CSMD1: variants seen among roughly 807,000 people sequenced by gnomAD.
The protein encoded by CSMD1 is CUB and sushi domain-containing protein 1.
CSMD1 carries 213 observed loss-of-function variants against 417.5 expected under a neutral mutation model. The ratio of observed to expected loss-of-function variants is 0.51; its 90% CI spans 0.46 to 0.57. The LOEUF is 0.57. CSMD1 is among the 20% of genes least tolerant of loss of function. The pLI is 0.00. For missense variants in CSMD1, 6,923 were observed against 4,529.7 expected (o/e 1.53, Z -15.17); for synonymous variants, 2,862 against 1,736.8 (o/e 1.65, Z -16.11).
chr8:3,815,275 T>A (rs1055058070), intron 5 of CSMD1, among the ~76,000 whole-genome samples: 1 of 152,160 alleles, frequency 6.6e-6, no homozygotes, highest in African/African-American at 2.4e-5. Flanking sequence ...GTGTCATTGA[T>A]AACAGAAGAA....
chr8:4,417,849 C>T (rs894346007), intron 3 of CSMD1, among the ~76,000 whole-genome samples: 1 of 151,946 alleles, frequency 6.6e-6, no homozygotes, highest in Non-Finnish European at 1.5e-5. Flanking sequence ...TTAATAAATT[C>T]TGACCTTTTC....
chr8:4,241,590 C>A (rs755945496), intron 3 of CSMD1, among the ~76,000 whole-genome samples: 2 of 152,058 alleles, frequency 1.3e-5, no homozygotes, highest in Non-Finnish European at 2.9e-5. Flanking sequence ...CCTAAATACC[C>A]GGAACACAAG....
chr8:2,984,781 A>G (rs1350547591), intron 54 of CSMD1, among the ~76,000 whole-genome samples: 1 of 152,244 alleles, frequency 6.6e-6, no homozygotes, highest in Non-Finnish European at 1.5e-5. Flanking sequence ...CGTGCAAAGC[A>G]CATGGGTTTG....
chr8:3,829,821 A>C (rs570955102), intron 5 of CSMD1, among the ~76,000 whole-genome samples: 213 of 152,278 alleles, frequency 1.4e-3, no homozygotes, highest in Admixed American at 2.9e-3. Context: ...GCCACTGAAT[A>C]AGTTCGTTTT....
intron 5 of CSMD1, among the ~76,000 whole-genome samples, chr8:3,791,753 G>A (rs888802606): frequency 9.2e-5 from 14 of 152,156 alleles, no homozygotes; most frequent in African/African-American, 2.9e-4. Flanking sequence ...AGCCTGGGAG[G>A]TGGAAGTTGC....
chr8:4,330,103 T>C (rs1799783292), intron 3 of CSMD1, among the ~76,000 whole-genome samples: 1 of 151,736 alleles, frequency 6.6e-6, no homozygotes, highest in Non-Finnish European at 1.5e-5. Flanking sequence ...AACAGTCCAA[T>C]ATAGTCAGCA....
In CSMD1 at chr8:4,175,916, G is replaced by T. The variant is rs183102305; in HGVS notation, c.416-143817C>A. On this transcript the variant is annotated intron_variant, in intron 3 of 69. Transcript: ENST00000635120. ...TTCTAGTCCTAATTACCACTTTTCT[G>T]TGTGGTCACTGTGCAGGTGCTGTCG... is the stretch of plus-strand genomic sequence containing the variant. Among the ~76,000 whole-genome samples the T allele has an allele frequency of 3.0e-3, 450 of 152,224 alleles. 4 individuals carry two copies. Among genetic ancestry groups the T allele is most frequent in the African/African-American group, 0.01 (428 of 41,504 alleles).
At chr8:3,456,607 T>G (rs1816159228) in intron 12 of CSMD1, among the ~76,000 whole-genome samples, 2 of 152,170 alleles carry the variant, frequency 1.3e-5, no homozygotes, top group African/African-American at 2.4e-5. Context: ...TTCTCTCCTA[T>G]CCTATTTAGC....
intron 2 of CSMD1, among the ~76,000 whole-genome samples, chr8:4,578,332 ATTTTTT>A (rs1172600205): frequency 1.2e-3 from 59 of 48,768 alleles, no homozygotes; most frequent in African/African-American, 3.7e-3. Context: ...CACCCGGCTC[ATTTTTT>A]TTTTTTTTTT....
intron 3 of CSMD1, among the ~76,000 whole-genome samples, chr8:4,047,949 G>A (rs942233708): frequency 1.3e-5 from 2 of 152,268 alleles, no homozygotes; most frequent in African/African-American, 2.4e-5. Flanking sequence ...AAAATATAAT[G>A]TCATGTTGAG....
At chr8:2,990,065 C>A (rs1320086856) in intron 54 of CSMD1, among the ~76,000 whole-genome samples, 1 of 152,158 alleles carries the variant, frequency 6.6e-6, no homozygotes, top group African/African-American at 2.4e-5. Flanking sequence ...ATGCTGTCCC[C>A]CTGTGTGGAG....
At chr8:3,663,486 GA>G (rs1798524806) in intron 7 of CSMD1, among the ~76,000 whole-genome samples, 1 of 152,074 alleles carries the variant, frequency 6.6e-6, no homozygotes, top group Non-Finnish European at 1.5e-5. Flanking sequence ...AAAGGAAAAT[GA>G]ACCTCAGGGC....
At chr8:3,063,819 G>C (rs1300310553) in intron 49 of CSMD1, among the ~76,000 whole-genome samples, 1 of 152,172 alleles carries the variant, frequency 6.6e-6, no homozygotes, top group Non-Finnish European at 1.5e-5. Context: ...GTAGGGGCTG[G>C]AGGAGGAGGA....
At chr8:3,153,412 T>A (rs564918114) in intron 39 of CSMD1, among the ~76,000 whole-genome samples, 2 of 152,280 alleles carry the variant, frequency 1.3e-5, no homozygotes, top group South Asian at 4.1e-4. Context: ...TGCTTTCACT[T>A]TACTCTACGG....
At chr8:3,910,947 C>T (rs1808419177) in intron 5 of CSMD1, among the ~76,000 whole-genome samples, 1 of 152,204 alleles carries the variant, frequency 6.6e-6, no homozygotes, top group African/African-American at 2.4e-5. Context: ...TGATCACGAC[C>T]AGGAACGCTT....
At chr8:3,556,257 C>T (rs1274570112) in intron 10 of CSMD1, among the ~76,000 whole-genome samples, 2 of 151,056 alleles carry the variant, frequency 1.3e-5, no homozygotes, top group Non-Finnish European at 2.9e-5. Context: ...TTTTGGTACC[C>T]ATTAACCACC....
chr8:4,270,255 T>C (rs1804502326), intron 3 of CSMD1, among the ~76,000 whole-genome samples: 1 of 152,140 alleles, frequency 6.6e-6, no homozygotes, highest in South Asian at 2.1e-4. Context: ...CTCTTACAAA[T>C]AGTTCTCATT....
At chr8:3,099,010 C>G (rs1257590065) in intron 46 of CSMD1, among the ~76,000 whole-genome samples, 1 of 151,912 alleles carries the variant, frequency 6.6e-6, no homozygotes, top group African/African-American at 2.4e-5. Context: ...AAAAGCTTCT[C>G]GGTACTGCCG....
intron 11 of CSMD1, among the ~76,000 whole-genome samples, chr8:3,483,298 G>T (rs1214374259): frequency 6.6e-6 from 1 of 151,874 alleles, no homozygotes; most frequent in Admixed American, 6.6e-5. Context: ...ATAAAATAGA[G>T]GCTATTACTA....
Sources: allele counts gnomAD v4.1 joint callset (sites outside exome capture counted in the v4.1 genomes callset), GRCh38; gene constraint gnomAD v4.1.1; transcripts MANE v1.5; gene names NCBI Gene and HGNC (gene_info 2026-07-23, HGNC 2026-07-21).